The following SLK variants were observed in gnomAD, a reference collection of about 807,000 sequenced individuals.
SLK encodes the protein STE20 like kinase.
Under a neutral mutation model 147.7 loss-of-function variants are expected in SLK, and 67 were observed. That is an observed-to-expected ratio of 0.45 (90% CI 0.37 to 0.56). The LOEUF (loss-of-function observed/expected upper bound fraction) is 0.56, where lower values mean the gene tolerates loss of function less well. Ranked by LOEUF, SLK falls within the 20% of genes least tolerant of loss-of-function variation. The pLI, the probability that SLK is intolerant of heterozygous loss-of-function variation, is 0.00. For missense variants in SLK, 1,136 were observed against 1,438.8 expected, an observed-to-expected ratio of 0.79 and a Z score of 3.41; for synonymous variants, 441 against 475.0, an observed-to-expected ratio of 0.93 and a Z score of 0.93.
rs1844615566 is a variant in SLK, at chr10:104,027,591, T to G, written c.*1871T>G. The G allele has an allele frequency of 6.6e-6, 1 of 152,596 alleles. No homozygotes were observed. The highest frequency in any genetic ancestry group is 2.1e-4 in the South Asian group (1 of 4,834). The allele number at this position is 152,596 out of a possible 1,614,324, so 9.5% of individuals were successfully genotyped here. On this transcript the variant is annotated 3_prime_UTR_variant, in exon 19 of 19. Transcript: ENST00000369755. The stretch of plus-strand genomic sequence containing the variant: ...AAAATGACAGTATAATGTTGCCCAG[T>G]GTATTTAATGATTTATTTGAAGAGG...
At chr10:103,975,499 TTTCACTAGTCAA>T (rs1178282806) in intron 1 of SLK, among the ~76,000 whole-genome samples, 1 of 134,350 alleles carries the variant, frequency 7.4e-6, no homozygotes, top group Non-Finnish European at 1.6e-5. Flanking sequence ...TTCACTGTCA[TTTCACTAGTCAA>T]AGCTGCTATC....
chr10:103,985,468 G>A (rs1844001012), intron 1 of SLK, among the ~76,000 whole-genome samples: 1 of 152,142 alleles, frequency 6.6e-6, no homozygotes, highest in African/African-American at 2.4e-5. Flanking sequence ...TGGACAATTA[G>A]GCTCTTCTTC....
At position 104,022,147 on chromosome 10, in the gene SLK, G is replaced by A. The variant is rs959549531; in HGVS notation, c.3561+414G>A. Among the ~76,000 whole-genome samples the A allele has an allele frequency of 8.5e-5, 13 of 152,188 alleles. No homozygotes were observed. The East Asian group carries it at 1.4e-3, about 16-fold the overall frequency. On this transcript the variant is annotated intron_variant, in intron 18 of 18. Coordinates refer to ENST00000369755, the MANE Select transcript of SLK (RefSeq NM_014720.4). ...AGAAGAGAATGAGTGAAAAGGAAGCGTACAGAGAATTGTAGATCGTTCTCT... is the reference window on the plus strand; with the variant it reads ...AGAAGAGAATGAGTGAAAAGGAAGCATACAGAGAATTGTAGATCGTTCTCT...
chr10:103,986,590 C>T (rs1013233301), intron 1 of SLK, among the ~76,000 whole-genome samples: 4 of 151,666 alleles, frequency 2.6e-5, no homozygotes, highest in South Asian at 2.1e-4. Flanking sequence ...CCTAACAGGC[C>T]GTGGACTGGT....
At chr10:104,025,270 T>C (rs946406346) in intron 18 of SLK, among the ~76,000 whole-genome samples, 1 of 152,196 alleles carries the variant, frequency 6.6e-6, no homozygotes, top group Non-Finnish European at 1.5e-5. Context: ...AGTACATCAT[T>C]ATCACATTTA....
chr10:103,994,162 G>A (rs1844135878), intron 4 of SLK, among the ~76,000 whole-genome samples: 1 of 152,104 alleles, frequency 6.6e-6, no homozygotes, highest in Non-Finnish European at 1.5e-5. Flanking sequence ...GCCTCCTGAA[G>A]TGAATTTTAA....
At chr10:103,992,784 A>G (rs1006505184) in intron 3 of SLK, 138 bp downstream of exon 3, 2 of 200,266 alleles carry the variant, frequency 1.0e-5, no homozygotes, top group Non-Finnish European at 1.7e-5. Flanking sequence ...ATGTTTTTAT[A>G]TTCTTGGATA....
chr10:103,976,758 A>G (rs989756012), intron 1 of SLK, among the ~76,000 whole-genome samples: 1 of 152,178 alleles, frequency 6.6e-6, no homozygotes, highest in Non-Finnish European at 1.5e-5. Flanking sequence ...GTCTGTCTCT[A>G]TTCCCACACC....
At chr10:104,010,784 T>C in intron 12 of SLK, 32 bp from the exon 13 acceptor site, 1 of 1,361,130 alleles carries the variant, frequency 7.3e-7, no homozygotes, top group African/African-American at 1.5e-5. Context: ...AAAGTATCAT[T>C]TCCCCACCTC....
chr10:103,982,854 T>A (rs1843964458), intron 1 of SLK, among the ~76,000 whole-genome samples: 1 of 152,180 alleles, frequency 6.6e-6, no homozygotes, highest in African/African-American at 2.4e-5. Flanking sequence ...GGCAGTGTAG[T>A]GAAGTGCAAG....
At chr10:103,968,942 T>C (rs1589521829) in intron 1 of SLK, among the ~76,000 whole-genome samples, 2 of 152,262 alleles carry the variant, frequency 1.3e-5, no homozygotes, top group African/African-American at 4.8e-5. Context: ...TAACAGTCAC[T>C]GGTAGAAATG....
intron 1 of SLK, among the ~76,000 whole-genome samples, chr10:103,982,047 A>G (rs529795340): frequency 6.6e-6 from 1 of 150,904 alleles, no homozygotes; most frequent in South Asian, 2.1e-4. Context: ...CTCCTTGGTT[A>G]AGTTAATTCC....
Position 104,018,224 on chromosome 10 carries a change from A to T in SLK, c.2942A>T (p.Gln981Leu). ...GGCTCTCTGAAAAAGATCATCCAGC[A>T]GCAGAAGGCAGAGTTAGCTAATATT... is the stretch of plus-strand genomic sequence containing the variant. The part of the protein sequence containing the change: ...LDGSLKKIIQ[Q>L]QKAELANIER... The change falls in exon 14 of 19, where the codon CAG becomes CTG. Residue 981 changes from glutamine (Q) to leucine (L), a missense_variant. This residue lies in a region of SLK where 327 missense variants were observed against 457.5 expected (regional missense o/e 0.71). Transcript: ENST00000369755. 1 of 1,604,996 alleles carries T rather than the reference A, an allele frequency of 6.2e-7. No homozygotes were observed. The highest frequency in any genetic ancestry group is 8.5e-7 in the Non-Finnish European group (1 of 1,177,708).
rs541330043 is a variant in SLK at position 103,980,802 on chromosome 10, T to C, written c.151-9873T>C. 4.6e-5 allele frequency among the ~76,000 whole-genome samples: 7 copies of C among 152,312 alleles called. No homozygotes were observed. The South Asian group carries it at 1.4e-3, about 32-fold the overall frequency. Reference sequence around the variant, plus strand: ...AGCTACGAACGTGGGTGTACAAGTATCTCTTTGAGACCCTGCTTTCAGTTT... The same window carrying C: ...AGCTACGAACGTGGGTGTACAAGTACCTCTTTGAGACCCTGCTTTCAGTTT... On this transcript the variant is annotated intron_variant, in intron 1 of 18. Transcript: ENST00000369755.
At chr10:104,004,259 C>G (rs370228821) in intron 9 of SLK, among the ~76,000 whole-genome samples, 13 of 152,116 alleles carry the variant, frequency 8.5e-5, no homozygotes, top group Admixed American at 6.5e-4. Context: ...ATTAGTCTGC[C>G]TATCTGCCCC....
rs1274057040 is a variant in SLK at position 103,992,598 on chromosome 10, A to G, written c.316A>G (p.Ile106Val). 2 of 1,240,672 alleles carry G rather than the reference A, an allele frequency of 1.6e-6. No homozygotes were observed. Among genetic ancestry groups the G allele is most frequent in the Admixed American group, 5.6e-5 (2 of 35,696 alleles). The allele number at this position is 1,240,672 out of a possible 1,614,324, so 76.9% of individuals were successfully genotyped here. Reference sequence around the variant, plus strand: ...CTTTTTTTTTTTTTTTTGCATGCAGATCCTCATTGAATTTTGTGCAGGTGG... The same window carrying G: ...CTTTTTTTTTTTTTTTTGCATGCAGGTCCTCATTGAATTTTGTGCAGGTGG... ...DAFYYENNLW[I>V]LIEFCAGGAV... The change falls in exon 3 of 19, where the codon ATC (isoleucine) becomes GTC (valine). Residue 106 changes from isoleucine (I) to valine (V), a missense_variant and splice_region_variant. Transcript: ENST00000369755.
At chr10:104,014,738 A>G (rs1434091175) in intron 13 of SLK, among the ~76,000 whole-genome samples, 1 of 152,164 alleles carries the variant, frequency 6.6e-6, no homozygotes, top group Non-Finnish European at 1.5e-5. Flanking sequence ...GTTTATAGTT[A>G]TCTGATTAAT....
intron 13 of SLK, among the ~76,000 whole-genome samples, chr10:104,013,429 A>G (rs78495935): frequency 0.014 from 2,058 of 152,338 alleles, 47 homozygotes; most frequent in African/African-American, 0.047. Flanking sequence ...TACTAGCTTA[A>G]AAAACAACAG....
At chr10:103,990,005 A>G (rs920283928) in intron 1 of SLK, among the ~76,000 whole-genome samples, 1 of 152,244 alleles carries the variant, frequency 6.6e-6, no homozygotes, top group East Asian at 1.9e-4. Context: ...TCAGTGCTAA[A>G]AAGAAATGAG....
Sources: allele counts gnomAD v4.1 joint callset (sites outside exome capture counted in the v4.1 genomes callset), GRCh38; gene constraint gnomAD v4.1.1; regional missense constraint gnomAD v4.1.1; transcripts MANE v1.5; gene names NCBI Gene and HGNC (gene_info 2026-07-23, HGNC 2026-07-21).